Variants in ADISSP observed in about 807,000 individuals in gnomAD.
ADISSP encodes the protein adipose secreted signaling protein, also known as adipose-secreted signaling protein.
chr20:3,754,030 G>T, the ADISSP span: 1 of 1,553,636 alleles, frequency 6.4e-7, no homozygotes, highest in East Asian at 2.3e-5. Flanking sequence ...TAAGGCTGAG[G>T]GGCCCGGGGC....
the ADISSP span, chr20:3,758,790 G>T: frequency 1.9e-6 from 2 of 1,043,362 alleles, no homozygotes; most frequent in Non-Finnish European, 2.8e-6. The surrounding 1 kb of genome is among the most constrained non-coding windows in gnomAD (Gnocchi z 5.5). Flanking sequence ...GCTCCCACTG[G>T]CTGGGCTCTT....
At chr20:3,761,672 C>T in the ADISSP span, among the ~76,000 whole-genome samples, 1 of 152,162 alleles carries the variant, frequency 6.6e-6, no homozygotes, top group African/African-American at 2.4e-5. Context: ...CACAAGTTTG[C>T]AATGGAGGTA....
chr20:3,765,161 C>T, the ADISSP span, among the ~76,000 whole-genome samples: 5 of 152,234 alleles, frequency 3.3e-5, no homozygotes, highest in African/African-American at 7.2e-5. Flanking sequence ...CAATGGAGAA[C>T]CTGCTGGTCG....
chr20:3,758,406 G>A, the ADISSP span: 1 of 756,820 alleles, frequency 1.3e-6, no homozygotes, highest in Non-Finnish European at 2.2e-6. The surrounding 1 kb of genome is among the most constrained non-coding windows in gnomAD (Gnocchi z 5.5). Context: ...TGACAGATGG[G>A]GCAACCAAGG....
chr20:3,757,930 T>C, the ADISSP span, among the ~76,000 whole-genome samples: 26 of 151,980 alleles, frequency 1.7e-4, no homozygotes, highest in Admixed American at 1.0e-3. Context: ...AGGGCACTCC[T>C]GTTCAACTCT....
At chr20:3,754,195 C>T in the ADISSP span, 1 of 1,575,156 alleles carries the variant, frequency 6.3e-7, no homozygotes, top group Non-Finnish European at 8.7e-7. Flanking sequence ...CATGCTGGCC[C>T]CCGGCCCCAC....
chr20:3,759,503 C>A, the ADISSP span, among the ~76,000 whole-genome samples: 1 of 152,102 alleles, frequency 6.6e-6, no homozygotes, highest in Admixed American at 6.5e-5. This position sits in a 1 kb window ranked among gnomAD's most constrained non-coding sequence, Gnocchi z 4.6. Context: ...CCTCTCTGAC[C>A]CCTGGCCCCT....
the ADISSP span, chr20:3,760,020 C>T: frequency 2.5e-6 from 4 of 1,610,150 alleles, no homozygotes; most frequent in Non-Finnish European, 2.5e-6. Context: ...CAGCAATGGC[C>T]CTCCTACCAG....
chr20:3,753,722 C>A, the ADISSP span: 1 of 403,890 alleles, frequency 2.5e-6, no homozygotes, highest in South Asian at 2.5e-5. Context: ...CCGTCCTCTC[C>A]CAGACCCTGG....
the ADISSP span, among the ~76,000 whole-genome samples, chr20:3,765,554 A>G: frequency 3.3e-5 from 5 of 152,198 alleles, no homozygotes; most frequent in African/African-American, 1.2e-4. Context: ...TGCAAAAGCA[A>G]ACCCCCAAAG....
chr20:3,754,509 G>C, the ADISSP span: 5 of 1,613,704 alleles, frequency 3.1e-6, no homozygotes, highest in Admixed American at 3.3e-5. Context: ...ACTCACACTT[G>C]ACACTATAAC....
At chr20:3,754,276 G>C in the ADISSP span, 1 of 1,484,308 alleles carries the variant, frequency 6.7e-7, no homozygotes, top group South Asian at 1.2e-5. Context: ...CTGCCAAGGA[G>C]GTTGAGAACC....
chr20:3,758,043 CCTAA>C, the ADISSP span, among the ~76,000 whole-genome samples: 2 of 152,100 alleles, frequency 1.3e-5, no homozygotes, highest in Non-Finnish European at 2.9e-5. This position sits in a 1 kb window ranked among gnomAD's most constrained non-coding sequence, Gnocchi z 5.5. Context: ...CTTCAAAGAG[CCTAA>C]CTGAGCCAGA....
chr20:3,754,519 C>T, the ADISSP span: 5 of 1,612,312 alleles, frequency 3.1e-6, no homozygotes, highest in Admixed American at 5.0e-5. Context: ...GACACTATAA[C>T]CTGCCCGGGG....
At chr20:3,757,054 T>C in the ADISSP span, among the ~76,000 whole-genome samples, 4 of 152,198 alleles carry the variant, frequency 2.6e-5, no homozygotes, top group East Asian at 7.7e-4. Context: ...AATAACATTT[T>C]AAAAAGCTGG....
the ADISSP span, among the ~76,000 whole-genome samples, chr20:3,765,346 T>C: frequency 6.6e-6 from 1 of 152,274 alleles, no homozygotes; most frequent in South Asian, 2.1e-4. Context: ...GGCCTCACCA[T>C]GGCTCAATCC....
chr20:3,754,577 C>A, the ADISSP span: 1 of 1,579,034 alleles, frequency 6.3e-7, no homozygotes, highest in Non-Finnish European at 8.7e-7. Context: ...GATCCTGCCC[C>A]TGGCACTCAC....
chr20:3,757,268 T>G, the ADISSP span, among the ~76,000 whole-genome samples: 1 of 151,976 alleles, frequency 6.6e-6, no homozygotes, highest in Non-Finnish European at 1.5e-5. Flanking sequence ...GAGAATTGCT[T>G]GAACCTGGGA....
At chr20:3,766,553 C>T in the ADISSP span, among the ~76,000 whole-genome samples, 4 of 152,196 alleles carry the variant, frequency 2.6e-5, no homozygotes, top group Non-Finnish European at 5.9e-5. Context: ...CCCACTTTGC[C>T]CTCAGCTAGT....
Sources: allele counts gnomAD v4.1 joint callset (sites outside exome capture counted in the v4.1 genomes callset), GRCh38; gene constraint gnomAD v4.1.1; non-coding constraint Gnocchi (gnomAD v3.1); transcripts MANE v1.5; gene names NCBI Gene and HGNC (gene_info 2026-07-23, HGNC 2026-07-21).